Variants in LPP observed in about 807,000 individuals in gnomAD.
LPP encodes LIM domain containing preferred translocation partner in lipoma.
Under a neutral mutation model 60.4 loss-of-function variants are expected in LPP, and 38 were observed. That is an observed-to-expected ratio of 0.63 (90% CI 0.49 to 0.83). The LOEUF (loss-of-function observed/expected upper bound fraction) is 0.83, where lower values mean the gene tolerates loss of function less well. Ranked by LOEUF, LPP falls within the 40% of genes least tolerant of loss-of-function variation. The pLI is 0.00. For missense variants in LPP, 902 were observed against 783.6 expected, an observed-to-expected ratio of 1.15 and a Z score of -1.80; for synonymous variants, 328 against 290.8, an observed-to-expected ratio of 1.13 and a Z score of -1.30.
chr3:188,230,728 G>A (rs139551330), intron 2 of LPP, among the ~76,000 whole-genome samples: 5,058 of 149,488 alleles, frequency 0.034, 152 homozygotes, highest in African/African-American at 0.077. Flanking sequence ...AGCCGAGATC[G>A]CACCATTGCA....
At chr3:188,441,609 C>CTTGTTTTTTTTTTTT (rs1793884803) in intron 4 of LPP, among the ~76,000 whole-genome samples, 1 of 55,652 alleles carries the variant, frequency 1.8e-5, no homozygotes, top group Non-Finnish European at 3.4e-5. Flanking sequence ...CTTTTCTTTT[C>CTTGTTTTTTTTTTTT]TTTTTTTTTT....
intron 9 of LPP, among the ~76,000 whole-genome samples, chr3:188,837,421 A>AATAATAATAATCATC (rs1485239539): frequency 1.4e-5 from 2 of 141,720 alleles, no homozygotes; most frequent in African/African-American, 2.6e-5. Context: ...TAATAATAAT[A>AATAATAATAATCATC]ATCTGTGCTT....
intron 3 of LPP, among the ~76,000 whole-genome samples, chr3:188,376,096 A>AT (rs201808671): frequency 0.016 from 2,471 of 152,228 alleles, 77 homozygotes; most frequent in African/African-American, 0.056. Flanking sequence ...CTGTTCTTTT[A>AT]CATTTGCTGA....
intron 3 of LPP, among the ~76,000 whole-genome samples, chr3:188,392,071 G>A (rs1158842926): frequency 6.6e-6 from 1 of 152,168 alleles, no homozygotes; most frequent in Non-Finnish European, 1.5e-5. Flanking sequence ...CACATTAAGG[G>A]TGATGGTTTT....
At chr3:188,830,768 G>A (rs964023038) in intron 9 of LPP, among the ~76,000 whole-genome samples, 1 of 152,150 alleles carries the variant, frequency 6.6e-6, no homozygotes, top group African/African-American at 2.4e-5. Flanking sequence ...GCTCAGAGCT[G>A]ACATGTCAAT....
At chr3:188,721,661 A>G (rs931302422) in intron 8 of LPP, among the ~76,000 whole-genome samples, 6 of 152,198 alleles carry the variant, frequency 3.9e-5, no homozygotes, top group Admixed American at 3.9e-4. Context: ...TTGATAGGAT[A>G]CCATGGTGAA....
intron 2 of LPP, among the ~76,000 whole-genome samples, chr3:188,249,259 T>TG (rs1420620855): frequency 2.0e-5 from 3 of 152,046 alleles, no homozygotes; most frequent in African/African-American, 7.2e-5. Flanking sequence ...TTAGCTGGCA[T>TG]GGTGACTCAT....
intron 5 of LPP, among the ~76,000 whole-genome samples, chr3:188,493,772 A>C (rs991284833): frequency 2.2e-4 from 33 of 152,150 alleles, no homozygotes; most frequent in African/African-American, 6.8e-4. Context: ...TGTTGAAAAT[A>C]TATTTTAATC....
chr3:188,451,687 T>A (rs923182971), intron 4 of LPP, among the ~76,000 whole-genome samples: 8 of 152,178 alleles, frequency 5.3e-5, no homozygotes, highest in African/African-American at 1.9e-4. Flanking sequence ...ACGGGGTAGA[T>A]GATCTGTGTG....
intron 9 of LPP, among the ~76,000 whole-genome samples, chr3:188,766,704 T>A (rs1435157857): frequency 6.6e-6 from 1 of 152,194 alleles, no homozygotes; most frequent in African/African-American, 2.4e-5. Context: ...TTTCCCATGA[T>A]GGTAATTCTT....
chr3:188,379,158 T>C (rs1197205853), intron 3 of LPP, among the ~76,000 whole-genome samples: 1 of 151,918 alleles, frequency 6.6e-6, no homozygotes, highest in Non-Finnish European at 1.5e-5. Context: ...TATGGAAACA[T>C]AAGACACAAG....
chr3:188,785,438 CAT>C (rs1181562689), intron 9 of LPP, among the ~76,000 whole-genome samples: 1 of 21,740 alleles, frequency 4.6e-5, no homozygotes, highest in African/African-American at 2.8e-4. Flanking sequence ...TATATTCCAT[CAT>C]ATATATATAT....
chr3:188,754,215 T>G (rs937833972), intron 8 of LPP, among the ~76,000 whole-genome samples: 1 of 152,162 alleles, frequency 6.6e-6, no homozygotes, highest in Non-Finnish European at 1.5e-5. Flanking sequence ...TGCTTCCAAT[T>G]AATATAAGTA....
Position 188,307,833 on chromosome 3 carries a change from T to A in LPP, c.-66-33830T>A, listed in dbSNP as rs1577998346. Reference sequence around the variant, plus strand: ...ACAGGGAATACAGCTGATTATCTCTTAGACATTGTTAGGATAAATTGTTTC... The same window carrying A: ...ACAGGGAATACAGCTGATTATCTCTAAGACATTGTTAGGATAAATTGTTTC... On this transcript the variant is annotated intron_variant, in intron 2 of 11. Coordinates refer to ENST00000617246, the MANE Select transcript of LPP (RefSeq NM_001375462.1). Among the ~76,000 whole-genome samples, 6 of 152,346 alleles carry A rather than the reference T, an allele frequency of 3.9e-5. No homozygotes were observed. In the East Asian group the frequency reaches 1.2e-3, roughly 29 times the overall value.
At chr3:188,612,621 C>G (rs1020616071) in intron 7 of LPP, among the ~76,000 whole-genome samples, 2 of 152,094 alleles carry the variant, frequency 1.3e-5, no homozygotes, top group African/African-American at 2.4e-5. Flanking sequence ...TGAATAATTG[C>G]CAAGTGAAGA....
chr3:188,789,487 C>T (rs1743009658), intron 9 of LPP, among the ~76,000 whole-genome samples: 1 of 152,192 alleles, frequency 6.6e-6, no homozygotes, highest in South Asian at 2.1e-4. Flanking sequence ...TTACCTCGTT[C>T]TGTCACATGG....
rs567696048 is a variant in LPP at position 188,722,364 on chromosome 3, T to C, written c.1240+13971T>C. ...CATATGTGAGTGATATTAGTGTGGG[T>C]AACCATCAACGGAGCAATAGTCTAA... On this transcript the variant is annotated intron_variant, in intron 8 of 11. Coordinates refer to ENST00000617246, the MANE Select transcript of LPP (RefSeq NM_001375462.1). Among the ~76,000 whole-genome samples, 8 of 152,286 alleles carry C rather than the reference T, an allele frequency of 5.3e-5. No individual in the cohort carries two copies. The South Asian group carries it at 1.5e-3, about 28-fold the overall frequency.
At chr3:188,498,814 A>C (rs898862354) in intron 5 of LPP, among the ~76,000 whole-genome samples, 2 of 152,122 alleles carry the variant, frequency 1.3e-5, no homozygotes, top group Non-Finnish European at 2.9e-5. Flanking sequence ...CCTTGCCGAC[A>C]CTGTTTTTTG....
At chr3:188,576,007 C>T (rs1490244203) in intron 6 of LPP, among the ~76,000 whole-genome samples, 1 of 152,134 alleles carries the variant, frequency 6.6e-6, no homozygotes, top group African/African-American at 2.4e-5. Context: ...AGAAGCCTGT[C>T]ATCTGGATAC....
Sources: allele counts gnomAD v4.1 joint callset (sites outside exome capture counted in the v4.1 genomes callset), GRCh38; gene constraint gnomAD v4.1.1; transcripts MANE v1.5; gene names NCBI Gene and HGNC (gene_info 2026-07-23, HGNC 2026-07-21).